AUTS2: variants seen among roughly 807,000 people sequenced by gnomAD.
AUTS2 encodes the protein activator of transcription and developmental regulator AUTS2, also known as autism susceptibility gene 2 protein.
AUTS2 carries 17 observed loss-of-function variants against 112.4 expected under a neutral mutation model. The ratio of observed to expected loss-of-function variants is 0.15; its 90% CI spans 0.10 to 0.23. The LOEUF (loss-of-function observed/expected upper bound fraction) is 0.23. AUTS2 is among the 10% of genes least tolerant of loss of function. AUTS2 has a pLI of 1.00. For missense variants in AUTS2, 1,510 were observed against 1,701.6 expected (o/e 0.89, Z 1.98); for synonymous variants, 751 against 702.7 (o/e 1.07, Z -1.09).
chr7:69,859,990 C>T (rs1480287397), intron 1 of AUTS2, among the ~76,000 whole-genome samples: 2 of 152,026 alleles, frequency 1.3e-5, no homozygotes, highest in Admixed American at 1.3e-4. Context: ...ACTGAAGAGA[C>T]ATTCAAATTT....
chr7:70,065,957 C>T (rs769499293), intron 2 of AUTS2, among the ~76,000 whole-genome samples: 8 of 152,164 alleles, frequency 5.3e-5, no homozygotes, highest in Non-Finnish European at 8.8e-5. Context: ...ATTCCCCTGC[C>T]TCAGCCTCCT....
chr7:70,527,283 TTCCAGTTTC>T (rs1312468172), intron 5 of AUTS2, among the ~76,000 whole-genome samples: 2 of 152,232 alleles, frequency 1.3e-5, no homozygotes, highest in African/African-American at 2.4e-5. Flanking sequence ...GAAGTTAAAA[TTCCAGTTTC>T]TCCAGCAACA....
chr7:70,308,239 G>T (rs1236302384), intron 4 of AUTS2, among the ~76,000 whole-genome samples: 1 of 152,210 alleles, frequency 6.6e-6, no homozygotes, highest in African/African-American at 2.4e-5. Flanking sequence ...AATTGTTGCA[G>T]TGAATCCTGT....
intron 1 of AUTS2, among the ~76,000 whole-genome samples, chr7:69,691,457 A>G (rs1401356838): frequency 1.3e-5 from 2 of 152,100 alleles, no homozygotes; most frequent in African/African-American, 4.8e-5. Flanking sequence ...ACCTGTTTGC[A>G]GCCAAAGTCC....
intron 1 of AUTS2, among the ~76,000 whole-genome samples, chr7:69,614,370 T>TTCTTTCTTTTCTTTC (rs1583942896): frequency 7.0e-5 from 2 of 28,560 alleles, no homozygotes; most frequent in South Asian, 1.1e-3. Context: ...CTTTCTTTTT[T>TTCTTTCTTTTCTTTC]TAAGAGATGG....
chr7:69,734,858 G>T (rs968521601), intron 1 of AUTS2, among the ~76,000 whole-genome samples: 2 of 152,124 alleles, frequency 1.3e-5, no homozygotes, highest in East Asian at 1.9e-4. Context: ...TTGAGAGTTT[G>T]TGTCTGACAT....
intron 2 of AUTS2, among the ~76,000 whole-genome samples, chr7:69,954,923 G>A (rs1262599587): frequency 6.6e-6 from 1 of 152,146 alleles, no homozygotes; most frequent in Non-Finnish European, 1.5e-5. Flanking sequence ...GGATTTTGGG[G>A]GTTGTCTGTA....
intron 5 of AUTS2, among the ~76,000 whole-genome samples, chr7:70,651,464 A>G (rs191422456): frequency 1.9e-4 from 29 of 152,334 alleles, no homozygotes; most frequent in Non-Finnish European, 4.0e-4. Flanking sequence ...TGCATTTAAT[A>G]CACTTAACCT....
chr7:69,658,219 G>A (rs1251857884), intron 1 of AUTS2, among the ~76,000 whole-genome samples: 1 of 152,206 alleles, frequency 6.6e-6, no homozygotes, highest in Non-Finnish European at 1.5e-5. Flanking sequence ...GGCCTGAATA[G>A]CCTAAAATAT....
chr7:69,760,199 T>C (rs1164898378), intron 1 of AUTS2, among the ~76,000 whole-genome samples: 3 of 121,546 alleles, frequency 2.5e-5, no homozygotes, highest in Admixed American at 2.3e-4. Flanking sequence ...CTTTTTTTCT[T>C]TTTTTTTTTT....
In AUTS2 at chr7:70,790,700, T is replaced by A. The variant is rs539075491; in HGVS notation, c.3484T>A (p.Tyr1162Asn). 1 of 1,613,424 alleles carries A rather than the reference T, an allele frequency of 6.2e-7. No individual in the cohort carries two copies. Among genetic ancestry groups the A allele is most frequent in the African/African-American group, 1.3e-5 (1 of 74,930 alleles). The change falls in exon 19 of 19, where the codon TAC becomes AAC. Residue 1162 changes from tyrosine to asparagine, a missense_variant. Tyr to Asn is a moderately radical substitution (Grantham distance 143). Transcript: ENST00000342771. This position sits in a 1 kb window ranked among gnomAD's most constrained non-coding sequence, Gnocchi z 7.6. The part of the protein sequence containing the change: ...RERLHMLRED[Y>N]EHTRLHSVHP... Reference sequence around the variant, plus strand: ...GCGCTTGCACATGCTCAGAGAAGACTACGAGCACACGCGGCTCCACTCCGT... The same window carrying A: ...GCGCTTGCACATGCTCAGAGAAGACAACGAGCACACGCGGCTCCACTCCGT...
At chr7:69,943,161 A>T (rs1237593971) in intron 2 of AUTS2, among the ~76,000 whole-genome samples, 1 of 152,214 alleles carries the variant, frequency 6.6e-6, no homozygotes, top group Non-Finnish European at 1.5e-5. Context: ...GTGCTTATAG[A>T]TTAAGATATA....
chr7:70,749,526 A>T (rs1788670147), intron 6 of AUTS2, among the ~76,000 whole-genome samples: 1 of 152,204 alleles, frequency 6.6e-6, no homozygotes, highest in East Asian at 1.9e-4. Flanking sequence ...TTAGAAAAAA[A>T]TGTCAAAGTC....
At chr7:69,708,413 A>G (rs1334139061) in intron 1 of AUTS2, among the ~76,000 whole-genome samples, 1 of 152,182 alleles carries the variant, frequency 6.6e-6, no homozygotes, top group African/African-American at 2.4e-5. Flanking sequence ...ATGTTCAGAC[A>G]TGGGAGGGTA....
chr7:70,138,639 T>C (rs1806694963), intron 4 of AUTS2, among the ~76,000 whole-genome samples: 1 of 152,224 alleles, frequency 6.6e-6, no homozygotes, highest in South Asian at 2.1e-4. Flanking sequence ...TTGGGTCACA[T>C]CTAGTAATTG....
chr7:70,608,083 C>G (rs1803877684), intron 5 of AUTS2, among the ~76,000 whole-genome samples: 1 of 152,122 alleles, frequency 6.6e-6, no homozygotes, highest in Admixed American at 6.6e-5. Flanking sequence ...GGCATTTGCT[C>G]TTTTGTTAGT....
intron 1 of AUTS2, among the ~76,000 whole-genome samples, chr7:69,709,760 T>C (rs1798233655): frequency 6.6e-6 from 1 of 152,152 alleles, no homozygotes; most frequent in South Asian, 2.1e-4. Context: ...AACTGTAACC[T>C]TTATTATGGG....
rs1231274262 is a variant in AUTS2 at position 69,953,234 on chromosome 7, G to A, written c.522+53736G>A. On this transcript the variant is annotated intron_variant, in intron 2 of 18. Coordinates refer to ENST00000342771, the MANE Select transcript of AUTS2 (RefSeq NM_015570.4). The stretch of plus-strand genomic sequence containing the variant: ...GTAATTCCCTAAGCACACTAGACAC[G>A]CCTGATGCCCCTTTCAAGCCAGTCT... Among the ~76,000 whole-genome samples the A allele has an allele frequency of 7.2e-5, 11 of 152,072 alleles. 1 individual carries two copies. Among genetic ancestry groups the A allele is most frequent in the Non-Finnish European group, 2.9e-5 (2 of 68,004 alleles).
At chr7:70,313,903 C>T (rs73173508) in intron 4 of AUTS2, among the ~76,000 whole-genome samples, 391 of 152,264 alleles carry the variant, frequency 2.6e-3, no homozygotes, top group Non-Finnish European at 4.7e-3. Context: ...AGAGGGGTAA[C>T]GCTCTCATAA....
Sources: allele counts gnomAD v4.1 joint callset (sites outside exome capture counted in the v4.1 genomes callset), GRCh38; gene constraint gnomAD v4.1.1; non-coding constraint Gnocchi (gnomAD v3.1); transcripts MANE v1.5; gene names NCBI Gene and HGNC (gene_info 2026-07-23, HGNC 2026-07-21).